The following DAB1 variants were observed in gnomAD, a reference collection of about 807,000 sequenced individuals.
DAB1 encodes disabled homolog 1.
In DAB1, 15 loss-of-function variants were observed where a neutral mutation model predicts 64.6. The observed-to-expected ratio is 0.23, with a 90% confidence interval of 0.16 to 0.36. The LOEUF is 0.36. Ranked by LOEUF, DAB1 falls within the 10% of genes least tolerant of loss-of-function variation. The probability of loss-of-function intolerance (pLI) is 1.00; values close to 1 mark genes in which losing one functional copy is unlikely to be tolerated. For missense variants in DAB1, 596 were observed against 706.7 expected (o/e 0.84, Z 1.78); for synonymous variants, 235 against 251.9 (o/e 0.93, Z 0.64).
intron 4 of DAB1, among the ~76,000 whole-genome samples, chr1:58,251,956 G>A (rs768411690): frequency 2.0e-5 from 3 of 152,116 alleles, no homozygotes; most frequent in Non-Finnish European, 4.4e-5. Context: ...TCTGCCTGTA[G>A]TTCCGCTAGG....
At chr1:57,543,938 C>T (rs1373427469) in intron 7 of DAB1, among the ~76,000 whole-genome samples, 1 of 152,036 alleles carries the variant, frequency 6.6e-6, no homozygotes, top group African/African-American at 2.4e-5. Flanking sequence ...AAGACCCCAT[C>T]TCTACAAAAA....
intron 6 of DAB1, among the ~76,000 whole-genome samples, chr1:57,703,342 GA>G (rs1165472117): frequency 5.9e-5 from 9 of 151,652 alleles, no homozygotes; most frequent in Admixed American, 2.0e-4. Flanking sequence ...AAATTTACAA[GA>G]AAAAAAAGAT....
At chr1:57,438,580 TAAAG>T (rs1685785474) in intron 7 of DAB1, among the ~76,000 whole-genome samples, 1 of 151,846 alleles carries the variant, frequency 6.6e-6, no homozygotes, top group East Asian at 1.9e-4. Flanking sequence ...TCCAGCAAAA[TAAAG>T]AAGGAGGAGG....
At chr1:57,622,620 G>A (rs553402891) in intron 7 of DAB1, among the ~76,000 whole-genome samples, 1 of 152,282 alleles carries the variant, frequency 6.6e-6, no homozygotes, top group East Asian at 1.9e-4. Context: ...AGACAGAGAG[G>A]TTAAGTAACT....
chr1:58,142,983 T>C lies in DAB1; in HGVS notation n.387+7528A>G, dbSNP rs943575951. ...AGCATCAGCTTCACCTGGGCACTTA[T>C]TGGAAATGGAAATTCTCGGTGTTCC... is the stretch of plus-strand genomic sequence containing the variant. On this transcript the variant is annotated intron_variant and non_coding_transcript_variant, in intron 5 of 20. Transcript: ENST00000485760. 6.6e-5 allele frequency among the ~76,000 whole-genome samples: 10 copies of C among 152,166 alleles called. No individual in the cohort carries two copies. In the East Asian group the frequency reaches 1.2e-3, roughly 18 times the overall value.
At chr1:58,248,951 G>A (rs1014719008) in intron 4 of DAB1, among the ~76,000 whole-genome samples, 2 of 152,066 alleles carry the variant, frequency 1.3e-5, no homozygotes, top group Non-Finnish European at 2.9e-5. Flanking sequence ...GCAACGACGC[G>A]ATTCCTCAGA....
chr1:57,517,306 T>C (rs949540725), intron 7 of DAB1, among the ~76,000 whole-genome samples: 3 of 152,186 alleles, frequency 2.0e-5, no homozygotes, highest in African/African-American at 7.2e-5. Flanking sequence ...TTATTGTTTA[T>C]TTGTATCTCT....
At chr1:57,477,348 C>A (rs529792004) in intron 7 of DAB1, among the ~76,000 whole-genome samples, 15 of 152,290 alleles carry the variant, frequency 9.8e-5, no homozygotes, top group African/African-American at 3.6e-4. Context: ...GTACTCTGAT[C>A]TGTTCTATTC....
chr1:58,211,552 A>C (rs1156688857), intron 4 of DAB1, among the ~76,000 whole-genome samples: 1 of 152,222 alleles, frequency 6.6e-6, no homozygotes, highest in Non-Finnish European at 1.5e-5. Flanking sequence ...CAAATGAAGG[A>C]GAAAGAGAAG....
chr1:58,387,538 C>T (rs1011053875), intron 3 of DAB1, among the ~76,000 whole-genome samples: 2 of 152,020 alleles, frequency 1.3e-5, no homozygotes, highest in African/African-American at 2.4e-5. Flanking sequence ...TTGCTGTGAA[C>T]GAAGATGTCT....
At chr1:57,033,463 T>C in intron 9 of DAB1, 2 of 1,612,754 alleles carry the variant, frequency 1.2e-6, no homozygotes, top group Non-Finnish European at 1.7e-6. Context: ...CTGATGAGCA[T>C]GAAATGAATG....
At chr1:57,599,751 A>T (rs1645554343) in intron 7 of DAB1, among the ~76,000 whole-genome samples, 1 of 152,258 alleles carries the variant, frequency 6.6e-6, no homozygotes, top group African/African-American at 2.4e-5. Context: ...GGCTGTACAT[A>T]GCCCTGAGGA....
intron 5 of DAB1, among the ~76,000 whole-genome samples, chr1:58,008,662 C>T (rs1386453101): frequency 6.6e-6 from 1 of 152,110 alleles, no homozygotes; most frequent in Admixed American, 6.5e-5. Context: ...TCTGATGCTA[C>T]ATAAAGCATC....
At chr1:58,506,393 C>T (rs368019744) in intron 2 of DAB1, among the ~76,000 whole-genome samples, 5 of 152,128 alleles carry the variant, frequency 3.3e-5, no homozygotes, top group Non-Finnish European at 7.4e-5. Flanking sequence ...CCCATTAACT[C>T]GTCATTTAGC....
At chr1:57,809,997 A>G (rs547800756) in intron 6 of DAB1, among the ~76,000 whole-genome samples, 2 of 152,288 alleles carry the variant, frequency 1.3e-5, no homozygotes, top group Admixed American at 1.3e-4. Context: ...CACCTGTACC[A>G]AGGATCCTAA....
intron 2 of DAB1, among the ~76,000 whole-genome samples, chr1:57,271,943 T>C (rs554071268): frequency 2.0e-5 from 3 of 152,274 alleles, no homozygotes; most frequent in Admixed American, 2.0e-4. Context: ...TGGAACCCTG[T>C]AACTCAGGTG....
At chr1:58,289,455 T>C (rs1207694741) in intron 4 of DAB1, among the ~76,000 whole-genome samples, 2 of 152,208 alleles carry the variant, frequency 1.3e-5, no homozygotes, top group African/African-American at 4.8e-5. Context: ...AACTAAGTGA[T>C]TTTTAGTGAT....
chr1:58,408,224 C>T (rs1394272993), intron 3 of DAB1, among the ~76,000 whole-genome samples: 2 of 152,124 alleles, frequency 1.3e-5, no homozygotes, highest in East Asian at 1.9e-4. Context: ...ATTTCTACCT[C>T]GGGACCTTTT....
At chr1:57,962,627 T>C (rs1475477425) in intron 5 of DAB1, among the ~76,000 whole-genome samples, 2 of 152,124 alleles carry the variant, frequency 1.3e-5, no homozygotes, top group Non-Finnish European at 2.9e-5. Flanking sequence ...ATCCTGGCAC[T>C]TTGGGAGGTT....
Sources: allele counts gnomAD v4.1 joint callset (sites outside exome capture counted in the v4.1 genomes callset), GRCh38; gene constraint gnomAD v4.1.1; transcripts MANE v1.5; gene names NCBI Gene and HGNC (gene_info 2026-07-23, HGNC 2026-07-21).